Variants in TMEM117 observed in about 807,000 individuals in gnomAD.
TMEM117 encodes transmembrane protein 117.
TMEM117 carries 27 observed loss-of-function variants against 52.4 expected under a neutral mutation model. The ratio of observed to expected loss-of-function variants is 0.51; its 90% CI spans 0.38 to 0.71. The LOEUF (loss-of-function observed/expected upper bound fraction) is 0.71. TMEM117 is among the 30% of genes least tolerant of loss of function. TMEM117 has a pLI of 0.00. For missense variants in TMEM117, 556 were observed against 630.5 expected (o/e 0.88, Z 1.26); for synonymous variants, 215 against 206.3 (o/e 1.04, Z -0.36).
intron 4 of TMEM117, among the ~76,000 whole-genome samples, chr12:44,172,778 G>A (rs1361080199): frequency 6.6e-6 from 1 of 152,122 alleles, no homozygotes; most frequent in Non-Finnish European, 1.5e-5. Flanking sequence ...AGGCTGGAGT[G>A]CAGTGATGCA....
chr12:44,151,755 G>T (rs1248169258), intron 4 of TMEM117, among the ~76,000 whole-genome samples: 1 of 147,674 alleles, frequency 6.8e-6, no homozygotes, highest in Non-Finnish European at 1.5e-5. Flanking sequence ...GAGTTGGATG[G>T]CTCCCTTAAC....
intron 6 of TMEM117, among the ~76,000 whole-genome samples, chr12:44,335,662 T>C (rs1471114985): frequency 6.6e-6 from 1 of 152,078 alleles, no homozygotes; most frequent in Non-Finnish European, 1.5e-5. Flanking sequence ...TCTAAAAACA[T>C]AATCTTGGTA....
chr12:43,984,401 A>AACT (rs1324702736), intron 3 of TMEM117, among the ~76,000 whole-genome samples: 1 of 151,440 alleles, frequency 6.6e-6, no homozygotes, highest in Non-Finnish European at 1.5e-5. Context: ...CAACAACAAC[A>AACT]ACAACAGCAT....
intron 2 of TMEM117, among the ~76,000 whole-genome samples, chr12:43,854,027 G>A (rs1397116994): frequency 2.0e-5 from 3 of 152,176 alleles, no homozygotes; most frequent in Non-Finnish European, 2.9e-5. Context: ...TTTATGTTAG[G>A]AAAGAGGCGT....
intron 3 of TMEM117, among the ~76,000 whole-genome samples, chr12:44,007,289 G>A (rs2137796814): frequency 6.6e-6 from 1 of 152,138 alleles, no homozygotes; most frequent in Admixed American, 6.5e-5. Flanking sequence ...TCTTGATGAT[G>A]CTCCTTTTTT....
At chr12:44,173,081 G>GT (rs957920127) in intron 4 of TMEM117, among the ~76,000 whole-genome samples, 4 of 151,430 alleles carry the variant, frequency 2.6e-5, no homozygotes, top group Admixed American at 6.6e-5. Context: ...TTTTTGTTTT[G>GT]TTTTTTGTTT....
intron 2 of TMEM117, among the ~76,000 whole-genome samples, chr12:43,851,103 G>C (rs867331764): frequency 1.3e-5 from 2 of 152,060 alleles, no homozygotes; most frequent in Middle Eastern, 3.2e-3. Context: ...CAACTTGTAA[G>C]TCTTCCTTCA....
chr12:44,317,284 T>TTATATATATA (rs539649274), intron 6 of TMEM117, among the ~76,000 whole-genome samples: 3 of 146,954 alleles, frequency 2.0e-5, no homozygotes, highest in Non-Finnish European at 4.5e-5. Context: ...TCTTTCCCTA[T>TTATATATATA]TATATATATA....
At chr12:43,868,982 C>T (rs1435450597) in intron 2 of TMEM117, among the ~76,000 whole-genome samples, 3 of 151,910 alleles carry the variant, frequency 2.0e-5, no homozygotes, top group African/African-American at 7.3e-5. Flanking sequence ...AGAGAAAACA[C>T]AAATTACCAA....
intron 3 of TMEM117, among the ~76,000 whole-genome samples, chr12:44,087,019 AATAATTATAAATTAT>A (rs899589211): frequency 7.5e-4 from 111 of 147,874 alleles, no homozygotes; most frequent in African/African-American, 2.6e-3. Context: ...TTATATAATT[AATAATTATAAATTAT>A]ATAATTATAA....
At chr12:44,096,392 G>GC (rs1947762699) in intron 3 of TMEM117, among the ~76,000 whole-genome samples, 1 of 151,988 alleles carries the variant, frequency 6.6e-6, no homozygotes, top group South Asian at 2.1e-4. Context: ...CCAAAAAAGA[G>GC]CCCACATCGC....
At chr12:43,875,270 G>A (rs1179666259) in intron 2 of TMEM117, among the ~76,000 whole-genome samples, 1 of 151,762 alleles carries the variant, frequency 6.6e-6, no homozygotes, top group African/African-American at 2.4e-5. Context: ...GTCAGAATCG[G>A]GTAGGGCAAC....
At chr12:44,363,171 A>G (rs1325581122) in intron 6 of TMEM117, among the ~76,000 whole-genome samples, 1 of 152,214 alleles carries the variant, frequency 6.6e-6, no homozygotes, top group Non-Finnish European at 1.5e-5. Flanking sequence ...TTCTATTTAT[A>G]GCTGTATTAC....
intron 6 of TMEM117, among the ~76,000 whole-genome samples, chr12:44,369,751 T>C (rs1165455283): frequency 1.3e-5 from 2 of 152,190 alleles, no homozygotes; most frequent in African/African-American, 2.4e-5. Flanking sequence ...TCTTTACTAC[T>C]TGTTGAAAAA....
At chr12:44,130,249 G>A (rs1159671472) in intron 3 of TMEM117, among the ~76,000 whole-genome samples, 1 of 152,166 alleles carries the variant, frequency 6.6e-6, no homozygotes, top group East Asian at 1.9e-4. Flanking sequence ...GGAGTAAATT[G>A]TTATAAAATA....
the TMEM117 span, among the ~76,000 whole-genome samples, chr12:43,822,798 G>A: frequency 4.6e-5 from 7 of 151,796 alleles, no homozygotes; most frequent in African/African-American, 1.5e-4. Context: ...TTGGGAGGCC[G>A]AGGTAGGAGG....
intron 3 of TMEM117, among the ~76,000 whole-genome samples, chr12:44,023,117 T>G (rs1946479231): frequency 6.6e-6 from 1 of 152,322 alleles, no homozygotes; most frequent in South Asian, 2.1e-4. Flanking sequence ...GAATGATGAT[T>G]TCCAGTTTCA....
At chr12:43,837,696 A>G (rs1203921208) in intron 1 of TMEM117, among the ~76,000 whole-genome samples, 1 of 152,228 alleles carries the variant, frequency 6.6e-6, no homozygotes, top group African/African-American at 2.4e-5. Context: ...AAACATTTTT[A>G]AAGGATATAG....
At chr12:44,038,030 G>C (rs1383449353) in intron 3 of TMEM117, among the ~76,000 whole-genome samples, 1 of 152,130 alleles carries the variant, frequency 6.6e-6, no homozygotes, top group African/African-American at 2.4e-5. Context: ...CCTCTTAGCT[G>C]TTCTGTCACT....
Sources: gnomAD v4.1 joint callset for allele counts (sites outside exome capture counted in the v4.1 genomes callset) on GRCh38, gnomAD v4.1.1 for gene constraint, MANE v1.5 for transcripts, NCBI Gene and HGNC (gene_info 2026-07-23, HGNC 2026-07-21) for gene names.